PPARGC1A: variants seen among roughly 807,000 people sequenced by gnomAD.
PPARGC1A encodes the protein PPARG coactivator 1 alpha.
In PPARGC1A, 25 loss-of-function variants were observed where a neutral mutation model predicts 88.7. The observed-to-expected ratio is 0.28, with a 90% CI of 0.21 to 0.39. The LOEUF is 0.39. PPARGC1A is among the 10% of genes least tolerant of loss of function. PPARGC1A has a pLI of 1.00. For missense variants in PPARGC1A, 880 were observed against 968.7 expected, an observed-to-expected ratio of 0.91 and a Z score of 1.22; for synonymous variants, 363 against 355.6, an observed-to-expected ratio of 1.02 and a Z score of -0.24.
chr4:24,243,767 A>G, the PPARGC1A span, among the ~76,000 whole-genome samples: 6 of 152,194 alleles, frequency 3.9e-5, no homozygotes, highest in African/African-American at 1.4e-4. Context: ...CTAGATTTAG[A>G]TACAGCTCAA....
At chr4:24,360,896 C>T in the PPARGC1A span, among the ~76,000 whole-genome samples, 2 of 152,120 alleles carry the variant, frequency 1.3e-5, no homozygotes, top group African/African-American at 2.4e-5. Flanking sequence ...CAAGGAGCAT[C>T]GAGTACACAG....
At chr4:23,906,840 G>A (rs1720108141), upstream of PPARGC1A, among the ~76,000 whole-genome samples, 1 of 152,078 alleles carries the variant, frequency 6.6e-6, no homozygotes, top group Non-Finnish European at 1.5e-5. Context: ...ACTCACTGTG[G>A]TGCCAGCCTT....
At chr4:24,427,551 A>G in the PPARGC1A span, among the ~76,000 whole-genome samples, 1 of 152,038 alleles carries the variant, frequency 6.6e-6, no homozygotes, top group Non-Finnish European at 1.5e-5. Flanking sequence ...TTGTTTTTTC[A>G]GGTGAAACAC....
At chr4:24,147,680 T>C in the PPARGC1A span, among the ~76,000 whole-genome samples, 1 of 152,130 alleles carries the variant, frequency 6.6e-6, no homozygotes, top group Non-Finnish European at 1.5e-5. Flanking sequence ...AACCATCATC[T>C]CTGTGAGTCC....
the PPARGC1A span, among the ~76,000 whole-genome samples, chr4:24,432,083 G>A: frequency 6.6e-6 from 1 of 152,120 alleles, no homozygotes; most frequent in African/African-American, 2.4e-5. Flanking sequence ...AGGTTAATTT[G>A]GAGGAAGAGA....
At chr4:24,358,645 C>T in the PPARGC1A span, among the ~76,000 whole-genome samples, 2 of 152,308 alleles carry the variant, frequency 1.3e-5, no homozygotes, top group South Asian at 4.1e-4. Flanking sequence ...GGTCTTTTCA[C>T]GTGGTCTTAC....
At chr4:24,365,759 GT>G in the PPARGC1A span, among the ~76,000 whole-genome samples, 132 of 151,340 alleles carry the variant, frequency 8.7e-4, no homozygotes, top group African/African-American at 2.5e-3. Flanking sequence ...ATTAGCAATA[GT>G]TTTTTTTTAA....
the PPARGC1A span, among the ~76,000 whole-genome samples, chr4:24,431,145 G>GAA: frequency 8.7e-3 from 1,151 of 131,816 alleles, 39 homozygotes; most frequent in East Asian, 0.099. Context: ...AAAAAAAAGA[G>GAA]AAAAAAAAAA....
the PPARGC1A span, among the ~76,000 whole-genome samples, chr4:24,249,506 T>C: frequency 1.3e-5 from 2 of 152,194 alleles, no homozygotes; most frequent in Non-Finnish European, 2.9e-5. Flanking sequence ...CTGTGGGCAG[T>C]GGCATTTGAT....
the PPARGC1A span, among the ~76,000 whole-genome samples, chr4:23,981,367 T>C: frequency 6.6e-6 from 1 of 152,124 alleles, no homozygotes; most frequent in Admixed American, 6.5e-5. Flanking sequence ...TCAACTTAGA[T>C]AACAAAGTTA....
the PPARGC1A span, among the ~76,000 whole-genome samples, chr4:24,121,336 G>A: frequency 6.6e-6 from 1 of 152,168 alleles, no homozygotes; most frequent in African/African-American, 2.4e-5. Context: ...CCTGCCCTCA[G>A]GAACCTCTGA....
the PPARGC1A span, among the ~76,000 whole-genome samples, chr4:23,964,633 G>A: frequency 2.6e-5 from 4 of 152,270 alleles, no homozygotes; most frequent in East Asian, 7.7e-4. Context: ...AGATTTGGGG[G>A]TGATCAGAAA....
the PPARGC1A span, among the ~76,000 whole-genome samples, chr4:24,000,858 C>G: frequency 6.6e-6 from 1 of 152,162 alleles, no homozygotes; most frequent in Non-Finnish European, 1.5e-5. Context: ...ATCTGATCCT[C>G]TGGTACTATG....
the PPARGC1A span, among the ~76,000 whole-genome samples, chr4:24,310,718 C>T: frequency 1.4e-4 from 21 of 152,176 alleles, 1 homozygote; most frequent in South Asian, 2.7e-3. Flanking sequence ...AACAAACAAA[C>T]GAAAAACACT....
the PPARGC1A span, among the ~76,000 whole-genome samples, chr4:24,025,355 T>C: frequency 0.023 from 3,548 of 152,252 alleles, 131 homozygotes; most frequent in African/African-American, 0.082. Context: ...CACCATCATC[T>C]TTATTTCACA....
chr4:24,174,500 T>A, the PPARGC1A span, among the ~76,000 whole-genome samples: 1 of 152,216 alleles, frequency 6.6e-6, no homozygotes. Context: ...AGATTTGGTT[T>A]CTTAATAAGC....
At chr4:23,813,264 T>A in intron 8 of PPARGC1A, 139 bp from the exon 9 acceptor site, 1 of 718,660 alleles carries the variant, frequency 1.4e-6, no homozygotes, top group Non-Finnish European at 2.4e-6. Context: ...GATTTCCCAG[T>A]GACAGTTTGT....
the PPARGC1A span, among the ~76,000 whole-genome samples, chr4:24,443,179 G>A: frequency 1.2e-4 from 18 of 150,998 alleles, no homozygotes; most frequent in Middle Eastern, 3.5e-3. Flanking sequence ...GTCAAATAAC[G>A]TTCATCATTA....
At chr4:24,053,156 C>G in the PPARGC1A span, among the ~76,000 whole-genome samples, 2 of 151,832 alleles carry the variant, frequency 1.3e-5, no homozygotes, top group African/African-American at 4.8e-5. Flanking sequence ...CAGGCGTGAG[C>G]CACTGCGCCT....
Sources: gnomAD v4.1 joint callset for allele counts (sites outside exome capture counted in the v4.1 genomes callset) on GRCh38, gnomAD v4.1.1 for gene constraint, MANE v1.5 for transcripts, NCBI Gene and HGNC (gene_info 2026-07-23, HGNC 2026-07-21) for gene names.